The following ZC3H11A variants were observed in gnomAD, a reference collection of about 807,000 sequenced individuals.
ZC3H11A encodes the protein zinc finger CCCH domain-containing protein 11A.
In ZC3H11A, 22 loss-of-function variants were observed where a neutral mutation model predicts 90.8. The observed-to-expected ratio is 0.24, with a 90% CI of 0.17 to 0.35. The LOEUF (loss-of-function observed/expected upper bound fraction) is 0.35. Among genes scored for constraint, ZC3H11A ranks in the 10% least tolerant of loss-of-function variants. The pLI is 1.00. For missense variants in ZC3H11A, 701 were observed against 964.9 expected, an observed-to-expected ratio of 0.73 and a Z score of 3.62; for synonymous variants, 294 against 339.8, an observed-to-expected ratio of 0.87 and a Z score of 1.48.
intron 1 of ZC3H11A, chr1:203,800,445 A>G: frequency 6.7e-7 from 1 of 1,490,070 alleles, no homozygotes; most frequent in East Asian, 2.5e-5. Context: ...AAGCAGTGAA[A>G]AAGAAATACT....
At chr1:203,821,993 G>A (rs911265593) in intron 4 of ZC3H11A, among the ~76,000 whole-genome samples, 14 of 152,150 alleles carry the variant, frequency 9.2e-5, no homozygotes, top group African/African-American at 1.2e-4. Context: ...TGCTGACCTC[G>A]TGATCCGCCC....
chr1:203,843,898 C>T (rs1273729428), intron 12 of ZC3H11A, among the ~76,000 whole-genome samples: 1 of 151,856 alleles, frequency 6.6e-6, no homozygotes, highest in Non-Finnish European at 1.5e-5. Flanking sequence ...GCTCTTGTTG[C>T]CCAGTCTGGA....
intron 2 of ZC3H11A, among the ~76,000 whole-genome samples, chr1:203,810,149 G>GT (rs1315810818): frequency 1.2e-3 from 175 of 144,414 alleles, no homozygotes; most frequent in African/African-American, 3.2e-3. Flanking sequence ...TTTGTTTTTT[G>GT]TTTTTTTTTT....
chr1:203,831,791 T>C lies in ZC3H11A; in HGVS notation c.811+20T>C. The C allele has an allele frequency of 6.3e-7, 1 of 1,586,296 alleles. No homozygotes were observed. The highest frequency in any genetic ancestry group is 8.6e-7 in the Non-Finnish European group (1 of 1,160,300). ...AACAAGGTAAGGTATAGATAGGTCT[T>C]AGAGTTGTCAAGCCTCTACTTTTAT... On this transcript the variant is annotated intron_variant, in intron 9 of 17. Transcript: ENST00000367210.
At chr1:203,829,706 G>C (rs1681634831) in intron 6 of ZC3H11A, 52 bp downstream of exon 6, 15 of 1,612,388 alleles carry the variant, frequency 9.3e-6, no homozygotes, top group Non-Finnish European at 1.3e-5. Flanking sequence ...GTCTCATAGT[G>C]AATTGGGCAG....
rs576861278 is a variant in ZC3H11A, at chr1:203,824,807, C to T, written c.175-3492C>T. Among the ~76,000 whole-genome samples, 18 of 152,152 alleles carry T rather than the reference C, an allele frequency of 1.2e-4. No individual in the cohort carries two copies. In the East Asian group the frequency reaches 2.9e-3, roughly 24 times the overall value. On this transcript the variant is annotated intron_variant, in intron 4 of 17. Coordinates refer to ENST00000367210, the MANE Select transcript of ZC3H11A (RefSeq NM_001376342.1). ...AGAAAATAGATTGTTAGGCCGGACA[C>T]GGTGGCTCACGCCTGTAATCCCAGC...
At chr1:203,798,660 GA>G in intron 1 of ZC3H11A, 1 of 1,536,142 alleles carries the variant, frequency 6.5e-7, no homozygotes, top group Non-Finnish European at 8.7e-7. Flanking sequence ...AAACAGATCT[GA>G]AAGTCCTATT....
At chr1:203,847,053 T>G in intron 12 of ZC3H11A, 131 bp from the exon 13 acceptor site, 2 of 988,056 alleles carry the variant, frequency 2.0e-6, no homozygotes, top group Non-Finnish European at 3.0e-6. Context: ...ATGTTACCCT[T>G]TTGATCCTTT....
At chr1:203,846,574 C>T (rs1346878300) in intron 12 of ZC3H11A, among the ~76,000 whole-genome samples, 1 of 152,138 alleles carries the variant, frequency 6.6e-6, no homozygotes, top group African/African-American at 2.4e-5. Flanking sequence ...AATTATTGAT[C>T]TGTTAGACTG....
At chr1:203,805,085 C>G (rs1225941562) in intron 2 of ZC3H11A, among the ~76,000 whole-genome samples, 1 of 151,196 alleles carries the variant, frequency 6.6e-6, no homozygotes, top group African/African-American at 2.4e-5. Context: ...TTATTGATTT[C>G]AAGATGTAGT....
At position 203,852,590 on chromosome 1, in the gene ZC3H11A, T is replaced by C; in HGVS notation, c.*191T>C. The C allele has an allele frequency of 1.6e-6, 1 of 633,456 alleles. No individual in the cohort carries two copies. Among genetic ancestry groups the C allele is most frequent in the Non-Finnish European group, 2.7e-6 (1 of 375,098 alleles). The allele number at this position is 633,456 out of a possible 1,614,324, so 39.2% of individuals were successfully genotyped here. A position where few individuals can be genotyped will look rare whatever the true frequency, so the allele number is the denominator to read the frequency against. On this transcript the variant is annotated 3_prime_UTR_variant, in exon 18 of 18. Coordinates refer to ENST00000367210, the MANE Select transcript of ZC3H11A (RefSeq NM_001376342.1). ...GATTTTTAAAGTTACTTTATAACCATTTTGTCCATTTGATGCCATTGTTTA... is the reference window on the plus strand; with the variant it reads ...GATTTTTAAAGTTACTTTATAACCACTTTGTCCATTTGATGCCATTGTTTA...
intron 4 of ZC3H11A, among the ~76,000 whole-genome samples, chr1:203,825,006 G>C (rs1680020040): frequency 6.6e-6 from 1 of 151,378 alleles, no homozygotes; most frequent in Non-Finnish European, 1.5e-5. Context: ...GAACCCTGGA[G>C]GTGGAGGTTT....
chr1:203,849,421 G>A (rs11240602), intron 14 of ZC3H11A, among the ~76,000 whole-genome samples: 9,142 of 152,110 alleles, frequency 0.06, 814 homozygotes, highest in East Asian at 0.4. Flanking sequence ...TAATATATTT[G>A]TACATAAATC....
intron 10 of ZC3H11A, chr1:203,835,920 T>G (rs1375275228): frequency 4.8e-6 from 1 of 209,836 alleles, no homozygotes. Context: ...CATACTTCCT[T>G]TAAGAAGTCC....
At chr1:203,798,867 G>C (rs1300483553) in intron 1 of ZC3H11A, 1 of 1,536,138 alleles carries the variant, frequency 6.5e-7, no homozygotes, top group South Asian at 1.2e-5. Flanking sequence ...GTTGCCATCA[G>C]AGACTTACTT....
chr1:203,811,461 A>G (rs1053303025), intron 2 of ZC3H11A, among the ~76,000 whole-genome samples: 17 of 152,254 alleles, frequency 1.1e-4, no homozygotes, highest in South Asian at 2.1e-4. Context: ...GTTCTTTGGA[A>G]TATTGATTTT....
chr1:203,831,298 G>A (rs12069734), intron 8 of ZC3H11A, among the ~76,000 whole-genome samples: 16,962 of 152,026 alleles, frequency 0.11, 1,182 homozygotes, highest in Non-Finnish European at 0.15. Context: ...CCTTGGAGTT[G>A]TGTTTTCAGA....
At chr1:203,839,496 T>C (rs1403427502) in intron 11 of ZC3H11A, among the ~76,000 whole-genome samples, 1 of 152,212 alleles carries the variant, frequency 6.6e-6, no homozygotes, top group African/African-American at 2.4e-5. Flanking sequence ...TAACTTTCTT[T>C]GAAATAAGAA....
chr1:203,850,779 C>G, intron 16 of ZC3H11A, 98 bp downstream of exon 16: 1 of 1,464,872 alleles, frequency 6.8e-7, no homozygotes, highest in Non-Finnish European at 9.3e-7. Context: ...TATATCACTT[C>G]CTGGCATTTC....
Sources: allele counts gnomAD v4.1 joint callset (sites outside exome capture counted in the v4.1 genomes callset), GRCh38; gene constraint gnomAD v4.1.1; transcripts MANE v1.5; gene names NCBI Gene and HGNC (gene_info 2026-07-23, HGNC 2026-07-21).